PTPRD: variants seen among roughly 807,000 people sequenced by gnomAD.
PTPRD encodes receptor-type tyrosine-protein phosphatase delta.
Under a neutral mutation model 214.5 loss-of-function variants are expected in PTPRD, and 34 were observed. That is an observed-to-expected ratio of 0.16 (90% confidence interval 0.12 to 0.21). PTPRD has a LOEUF of 0.21. PTPRD is among the 10% of genes least tolerant of loss of function. The pLI, the probability that PTPRD is intolerant of heterozygous loss-of-function variation, is 1.00. For missense variants in PTPRD, 2,545 were observed against 2,398.7 expected (o/e 1.06, Z -1.27); for synonymous variants, 1,128 against 845.7 (o/e 1.33, Z -5.79).
intron 11 of PTPRD, among the ~76,000 whole-genome samples, chr9:8,792,519 A>C (rs2096269927): frequency 6.6e-6 from 1 of 152,176 alleles, no homozygotes; most frequent in African/African-American, 2.4e-5. Flanking sequence ...ACAATGAGGA[A>C]ATATTGGTGC....
At chr9:10,219,293 C>A (rs2099555189) in intron 3 of PTPRD, among the ~76,000 whole-genome samples, 1 of 151,796 alleles carries the variant, frequency 6.6e-6, no homozygotes, top group African/African-American at 2.4e-5. Context: ...CCAAATTTTG[C>A]TGCAAATTCT....
At chr9:8,927,720 C>A (rs1016060513) in intron 11 of PTPRD, among the ~76,000 whole-genome samples, 5 of 152,118 alleles carry the variant, frequency 3.3e-5, no homozygotes, top group Non-Finnish European at 7.3e-5. Context: ...TGGGTATATA[C>A]CCAGAAATGG....
intron 10 of PTPRD, among the ~76,000 whole-genome samples, chr9:9,061,589 C>T (rs2099707496): frequency 6.6e-6 from 1 of 152,084 alleles, no homozygotes; most frequent in African/African-American, 2.4e-5. Flanking sequence ...GATTATTGGC[C>T]AGTTTGACTA....
chr9:8,329,674 G>C lies in PTPRD; in HGVS notation c.5534+1908C>G, dbSNP rs547304575. ...AGATGGGGGTTTTATCTGTAAGTAA[G>C]TCTGTGATTGGGGCTGCTGTCTTTC... On this transcript the variant is annotated intron_variant, in intron 44 of 45. Transcript: ENST00000381196. Among the ~76,000 whole-genome samples the C allele has an allele frequency of 3.9e-5, 6 of 152,304 alleles. No individual in the cohort carries two copies. The South Asian group carries it at 1.2e-3, about 32-fold the overall frequency.
chr9:10,290,235 T>C (rs948822182), intron 3 of PTPRD, among the ~76,000 whole-genome samples: 9 of 152,138 alleles, frequency 5.9e-5, no homozygotes, highest in Non-Finnish European at 1.0e-4. Flanking sequence ...TAGTAGTCAA[T>C]GTATTTCTTC....
chr9:9,653,595 T>C (rs1373782355), intron 7 of PTPRD, among the ~76,000 whole-genome samples: 1 of 152,124 alleles, frequency 6.6e-6, no homozygotes, highest in African/African-American at 2.4e-5. Flanking sequence ...TTACCTGTTT[T>C]TGTGGTTAGA....
intron 10 of PTPRD, among the ~76,000 whole-genome samples, chr9:9,033,934 A>G (rs780644560): frequency 9.9e-5 from 15 of 152,088 alleles, no homozygotes; most frequent in Non-Finnish European, 2.1e-4. Flanking sequence ...AACATTCCTC[A>G]CTCAGGGGGA....
At chr9:9,923,105 A>T (rs1305763112) in intron 5 of PTPRD, among the ~76,000 whole-genome samples, 1 of 137,230 alleles carries the variant, frequency 7.3e-6, no homozygotes, top group Non-Finnish European at 1.5e-5. Context: ...GGAAAAAAAA[A>T]GGACTGTGTG....
chr9:9,929,280 C>G (rs1345566674), intron 5 of PTPRD, among the ~76,000 whole-genome samples: 2 of 152,122 alleles, frequency 1.3e-5, no homozygotes, highest in Admixed American at 6.5e-5. Context: ...CCCTTTGGAC[C>G]AGTAAAGTTA....
chr9:8,358,416 C>G (rs1006511138), intron 39 of PTPRD, among the ~76,000 whole-genome samples: 3 of 152,096 alleles, frequency 2.0e-5, no homozygotes, highest in African/African-American at 7.2e-5. Context: ...ATGTGATGTA[C>G]TCATTTTATG....
intron 34 of PTPRD, among the ~76,000 whole-genome samples, chr9:8,447,073 A>T (rs576721609): frequency 1.3e-5 from 2 of 152,346 alleles, no homozygotes; most frequent in African/African-American, 4.8e-5. Context: ...GATGGCAAAT[A>T]AACAATTTCA....
At chr9:9,922,936 T>G (rs2082996760) in intron 5 of PTPRD, among the ~76,000 whole-genome samples, 2 of 138,896 alleles carry the variant, frequency 1.4e-5, no homozygotes, top group South Asian at 4.6e-4. Flanking sequence ...TCAATTGATG[T>G]AATATACTGC....
chr9:10,144,934 C>A (rs2099012195), intron 3 of PTPRD, among the ~76,000 whole-genome samples: 1 of 151,480 alleles, frequency 6.6e-6, no homozygotes, highest in Non-Finnish European at 1.5e-5. Context: ...ATAACTCAAC[C>A]AACAAGAAAA....
At chr9:10,599,937 T>C (rs769832514) in intron 2 of PTPRD, among the ~76,000 whole-genome samples, 6 of 151,778 alleles carry the variant, frequency 4.0e-5, no homozygotes, top group African/African-American at 1.4e-4. Context: ...CCCAATATTA[T>C]GGGTTCTTTA....
At chr9:8,915,320 T>C (rs1173642857) in intron 11 of PTPRD, among the ~76,000 whole-genome samples, 1 of 152,148 alleles carries the variant, frequency 6.6e-6, no homozygotes, top group Non-Finnish European at 1.5e-5. Context: ...TCGAAGATGC[T>C]ACAACACTAA....
intron 30 of PTPRD, among the ~76,000 whole-genome samples, chr9:8,481,473 T>G (rs1382476362): frequency 6.6e-6 from 1 of 152,170 alleles, no homozygotes; most frequent in East Asian, 1.9e-4. Context: ...TCTGATTTTG[T>G]TTTTTAATAC....
At chr9:9,270,769 A>G (rs1319934687) in intron 9 of PTPRD, among the ~76,000 whole-genome samples, 3 of 151,428 alleles carry the variant, frequency 2.0e-5, no homozygotes, top group Non-Finnish European at 4.4e-5. Context: ...TGGTATCTTT[A>G]GATGATGGTG....
At chr9:9,566,514 T>C (rs1358434506) in intron 8 of PTPRD, among the ~76,000 whole-genome samples, 3 of 151,976 alleles carry the variant, frequency 2.0e-5, no homozygotes, top group Non-Finnish European at 4.4e-5. Context: ...AATGTAATTC[T>C]TGCTGGAGAA....
intron 4 of PTPRD, among the ~76,000 whole-genome samples, chr9:9,956,002 T>C (rs545268101): frequency 1.3e-5 from 2 of 152,154 alleles, no homozygotes; most frequent in Admixed American, 6.5e-5. Flanking sequence ...CAATAATTAT[T>C]TGAGGCAGGC....
Sources: allele counts gnomAD v4.1 joint callset (sites outside exome capture counted in the v4.1 genomes callset), GRCh38; gene constraint gnomAD v4.1.1; transcripts MANE v1.5; gene names NCBI Gene and HGNC (gene_info 2026-07-23, HGNC 2026-07-21).